Variants in FAT3 observed in about 807,000 individuals in gnomAD.
The protein encoded by FAT3 is protocadherin Fat 3.
A neutral mutation model predicts 310.2 loss-of-function variants in FAT3; 95 were observed. The ratio of observed to expected loss-of-function variants is 0.31; its 90% CI spans 0.26 to 0.36. FAT3 has a LOEUF of 0.36. Among genes scored for constraint, FAT3 ranks in the 10% least tolerant of loss-of-function variants. FAT3 has a pLI of 1.00. For synonymous variants in FAT3, 2,314 were observed against 2,192.9 expected, an observed-to-expected ratio of 1.06 and a Z score of -1.54; for missense variants, 5,408 against 5,715.6, an observed-to-expected ratio of 0.95 and a Z score of 1.74.
chr11:92,628,704 G>A (rs537323064), intron 3 of FAT3, among the ~76,000 whole-genome samples: 27 of 152,342 alleles, frequency 1.8e-4, no homozygotes, highest in African/African-American at 6.3e-4. Flanking sequence ...TTAGGAGATT[G>A]TCCACTCTTG....
chr11:92,651,391 A>C (rs1409099873), intron 3 of FAT3, among the ~76,000 whole-genome samples: 1 of 152,122 alleles, frequency 6.6e-6, no homozygotes, highest in Non-Finnish European at 1.5e-5. Context: ...TGGTCAATGC[A>C]CTCAGCTTCA....
intron 10 of FAT3, among the ~76,000 whole-genome samples, chr11:92,802,154 T>G (rs1237621561): frequency 6.6e-6 from 1 of 152,182 alleles, no homozygotes; most frequent in African/African-American, 2.4e-5. Context: ...GTAACTAGTC[T>G]TTGTGTCACC....
chr11:92,731,709 A>G (rs558492643), intron 4 of FAT3, among the ~76,000 whole-genome samples: 24 of 151,894 alleles, frequency 1.6e-4, no homozygotes, highest in African/African-American at 5.6e-4. Flanking sequence ...TGGGAAAAAA[A>G]AAAGCCCTTA....
intron 1 of FAT3, among the ~76,000 whole-genome samples, chr11:92,302,429 G>A (rs1414028796): frequency 1.1e-4 from 16 of 150,942 alleles, no homozygotes. Flanking sequence ...TTTTTCTCAT[G>A]TTAAGCTTGC....
At chr11:92,666,044 C>T (rs963068723) in intron 3 of FAT3, among the ~76,000 whole-genome samples, 5 of 152,120 alleles carry the variant, frequency 3.3e-5, no homozygotes, top group Non-Finnish European at 7.3e-5. Context: ...TAAAAAACTG[C>T]ACTCTAAGCT....
chr11:92,659,428 T>A (rs1041239493), intron 3 of FAT3, among the ~76,000 whole-genome samples: 4 of 152,212 alleles, frequency 2.6e-5, no homozygotes, highest in African/African-American at 9.6e-5. Flanking sequence ...ATGGGAAAAT[T>A]ACTTTTTTAC....
At chr11:92,246,232 G>GA (rs1250308651) in intron 1 of FAT3, among the ~76,000 whole-genome samples, 1 of 152,056 alleles carries the variant, frequency 6.6e-6, no homozygotes, top group Non-Finnish European at 1.5e-5. Context: ...AGCTTAAGGA[G>GA]AAAGTTGGGC....
chr11:92,679,172 T>C (rs1047034227), intron 3 of FAT3, among the ~76,000 whole-genome samples: 2 of 152,222 alleles, frequency 1.3e-5, no homozygotes, highest in African/African-American at 4.8e-5. Context: ...TGTGTATATA[T>C]ACATTTTCTT....
Position 92,368,520 on chromosome 11 carries a change from A to G in FAT3, c.3292+13116A>G, listed in dbSNP as rs1187062970. On this transcript the variant is annotated intron_variant, in intron 2 of 27. Transcript: ENST00000525166. ...AGTGCATTTTTAACTTGTATGCTGCATCATCCAGGAGAGAACTTTCATTTT... is the reference window on the plus strand; with the variant it reads ...AGTGCATTTTTAACTTGTATGCTGCGTCATCCAGGAGAGAACTTTCATTTT... Among the ~76,000 whole-genome samples the G allele has an allele frequency of 2.5e-4, 38 of 152,300 alleles. 1 individual carries two copies.
intron 2 of FAT3, among the ~76,000 whole-genome samples, chr11:92,424,347 G>GT (rs2134993079): frequency 6.6e-6 from 1 of 152,242 alleles, no homozygotes; most frequent in Non-Finnish European, 1.5e-5. Flanking sequence ...TTTACATAAT[G>GT]TTTTTATGAA....
intron 2 of FAT3, among the ~76,000 whole-genome samples, chr11:92,488,457 C>CCCT (rs1343373641): frequency 1.1e-5 from 1 of 90,978 alleles, no homozygotes. Flanking sequence ...ACCGCCCCCC[C>CCCT]CCCCGCCCCC....
intron 3 of FAT3, among the ~76,000 whole-genome samples, chr11:92,571,521 C>G (rs879622277): frequency 3.3e-4 from 50 of 152,194 alleles, no homozygotes; most frequent in African/African-American, 1.1e-3. Flanking sequence ...GTGACTTTCA[C>G]CACCATCCAT....
intron 19 of FAT3, among the ~76,000 whole-genome samples, chr11:92,856,923 C>T (rs116857294): frequency 1.3e-5 from 2 of 152,132 alleles, no homozygotes; most frequent in African/African-American, 4.8e-5. Context: ...CCAGATGTAA[C>T]TTAACATATT....
chr11:92,705,186 C>A (rs1330496393), intron 4 of FAT3, among the ~76,000 whole-genome samples: 1 of 152,194 alleles, frequency 6.6e-6, no homozygotes, highest in African/African-American at 2.4e-5. Context: ...CCCTCCTAAG[C>A]AGATTTTTTA....
intron 1 of FAT3, among the ~76,000 whole-genome samples, chr11:92,258,339 A>G (rs541646909): frequency 9.9e-5 from 15 of 152,258 alleles, no homozygotes; most frequent in African/African-American, 3.6e-4. Flanking sequence ...AAACTAAAGC[A>G]CTAGGTATAC....
chr11:92,678,662 G>A (rs1013313109), intron 3 of FAT3, among the ~76,000 whole-genome samples: 2 of 152,018 alleles, frequency 1.3e-5, no homozygotes, highest in African/African-American at 2.4e-5. Context: ...TTAAGACTCC[G>A]AGTTTTTTAA....
intron 2 of FAT3, among the ~76,000 whole-genome samples, chr11:92,467,265 T>C (rs1951787924): frequency 6.6e-6 from 1 of 152,188 alleles, no homozygotes; most frequent in Admixed American, 6.6e-5. Flanking sequence ...TTTTTAATGA[T>C]TGCCATTCTA....
At position 92,883,434 on chromosome 11, in the gene FAT3, G is replaced by T; in HGVS notation, c.12937+41G>T. On this transcript the variant is annotated intron_variant, in intron 24 of 27. Transcript: ENST00000525166. This position sits in a 1 kb window ranked among gnomAD's most constrained non-coding sequence, Gnocchi z 4.2. ...TAATGCTCACCCCTCGGTGCTTACA[G>T]GGAACCTGCAGGGGCGCTGTGCGAG... 6.4e-7 allele frequency: 1 copy of T among 1,562,582 alleles called. No individual in the cohort carries two copies. Among genetic ancestry groups the T allele is most frequent in the South Asian group, 1.2e-5 (1 of 82,818 alleles).
intron 4 of FAT3, among the ~76,000 whole-genome samples, chr11:92,731,815 G>A (rs761459566): frequency 6.6e-6 from 1 of 151,940 alleles, no homozygotes. Flanking sequence ...TGTTTGCTTG[G>A]TTTTTCTTTT....
Sources: gnomAD v4.1 joint callset for allele counts (sites outside exome capture counted in the v4.1 genomes callset) on GRCh38, gnomAD v4.1.1 for gene constraint, Gnocchi (gnomAD v3.1) non-coding constraint, MANE v1.5 for transcripts, NCBI Gene and HGNC (gene_info 2026-07-23, HGNC 2026-07-21) for gene names.